Variants in ANKHD1 observed in about 807,000 individuals in gnomAD.
ANKHD1 encodes ankyrin repeat and KH domain containing 1, also known as ankyrin repeat and KH domain-containing protein 1.
ANKHD1 carries 31 observed loss-of-function variants against 230.5 expected under a neutral mutation model. The observed-to-expected ratio is 0.13, with a 90% CI of 0.10 to 0.18. ANKHD1 has a LOEUF of 0.18. Ranked by LOEUF, ANKHD1 falls within the 10% of genes least tolerant of loss-of-function variation. ANKHD1 has a pLI of 1.00. For missense variants in ANKHD1, 2,256 were observed against 3,071.3 expected (o/e 0.73, Z 6.27); for synonymous variants, 1,074 against 1,117.6 (o/e 0.96, Z 0.78).
rs1416843977 is a variant in ANKHD1, at chr5:140,479,742, A to AAG, written c.1783-2838_1783-2837insAG. Among the ~76,000 whole-genome samples, 6 of 149,364 alleles carry AAG rather than the reference A, an allele frequency of 4.0e-5. No individual in the cohort carries two copies. The East Asian group carries it at 1.2e-3, about 29-fold the overall frequency. ...TATATACATACATAGGTATATATATATACTTATATATATACCTATGTATGT... is the reference window on the plus strand; with the variant it reads ...TATATACATACATAGGTATATATATAAGTACTTATATATATACCTATGTATGT... On this transcript the variant is annotated intron_variant, in intron 10 of 33. Coordinates refer to ENST00000360839, the MANE Select transcript of ANKHD1 (RefSeq NM_017747.3).
intron 9 of ANKHD1, 105 bp downstream of exon 9, chr5:140,459,460 G>C (rs981028389): frequency 1.5e-5 from 20 of 1,346,666 alleles, no homozygotes; most frequent in Non-Finnish European, 1.8e-5. Context: ...TAGAATGGTG[G>C]TTACCAGAGT....
chr5:140,527,873 G>A lies in ANKHD1; in HGVS notation c.5088G>A (p.Arg1696=). 6.2e-7 allele frequency: 1 copy of A among 1,610,942 alleles called. No homozygotes were observed. Among genetic ancestry groups the A allele is most frequent in the Non-Finnish European group, 8.5e-7 (1 of 1,178,692 alleles). Residue 1696 remains arginine, a splice_region_variant and synonymous_variant, in exon 28 of 34, where the codon AGG becomes AGA. Coordinates refer to ENST00000360839, the MANE Select transcript of ANKHD1 (RefSeq NM_017747.3). This position sits in a 1 kb window ranked among gnomAD's most constrained non-coding sequence, Gnocchi z 4.5. ...REEGWKEVVR[R]SKKLSVPASV... ...CTCATGTGTATTCTTCATTTTATAG[G>A]TCAAAGAAATTGTCTGTTCCAGCCT...
chr5:140,490,441 AT>A (rs1011163989), intron 14 of ANKHD1, among the ~76,000 whole-genome samples: 22 of 152,110 alleles, frequency 1.4e-4, no homozygotes, highest in African/African-American at 5.3e-4. Context: ...TAACCTCCCG[AT>A]TTAGGCAACT....
At chr5:140,518,545 TACTGGCAA>T (rs1753158566) in intron 24 of ANKHD1, among the ~76,000 whole-genome samples, 1 of 151,204 alleles carries the variant, frequency 6.6e-6, no homozygotes, top group Non-Finnish European at 1.5e-5. Context: ...CTCAATAAAA[TACTGGCAA>T]ACCGAATCCA....
chr5:140,486,773 C>T (rs1428641486), intron 13 of ANKHD1, 185 bp from the exon 14 acceptor site: 5 of 450,094 alleles, frequency 1.1e-5, no homozygotes, highest in East Asian at 3.8e-5. Flanking sequence ...GTAGATTCCC[C>T]GACTGTCTAA....
intron 15 of ANKHD1, among the ~76,000 whole-genome samples, chr5:140,498,525 A>G (rs1269143131): frequency 6.6e-6 from 1 of 152,224 alleles, no homozygotes; most frequent in Non-Finnish European, 1.5e-5. Context: ...ATTCTGGGAA[A>G]TGTTTTAAGG....
intron 10 of ANKHD1, among the ~76,000 whole-genome samples, chr5:140,478,370 T>C (rs1445912747): frequency 2.0e-5 from 3 of 150,746 alleles, no homozygotes; most frequent in African/African-American, 4.8e-5. Context: ...TTTCTTTTTT[T>C]TTTTTTTTAG....
Position 140,512,405 on chromosome 5 carries a change from T to TA in ANKHD1, c.4105-414dup, listed in dbSNP as rs201618595. On this transcript the variant is annotated intron_variant, in intron 22 of 33. Transcript: ENST00000360839. ...AGAGGCAAAGTAAGACTTTGAAATT[T>TA]AAAAAAAAATTACTTATTTTAGGAC... Among the ~76,000 whole-genome samples the TA allele has an allele frequency of 1.3e-3, 190 of 151,816 alleles. 3 individuals carry two copies. The East Asian group carries it at 0.032, about 26-fold the overall frequency.
intron 14 of ANKHD1, among the ~76,000 whole-genome samples, chr5:140,496,137 G>C (rs535846058): frequency 6.6e-6 from 1 of 152,196 alleles, no homozygotes; most frequent in African/African-American, 2.4e-5. Flanking sequence ...ACGCTATTTT[G>C]ATACTGCTTT....
Position 140,526,400 on chromosome 5 carries a change from C to G in ANKHD1, c.4897C>G (p.Gln1633Glu), listed in dbSNP as rs1561831978. Reference protein sequence around the residue: ...SKYPSLLLHSQEEKTSTATSK... With the variant: ...SKYPSLLLHSEEEKTSTATSK... ...ATACCCCTCACTGCTCCTTCATTCC[C>G]AAGAAGAAAAGACAAGTACTGCTAC... Residue 1633 changes from glutamine to glutamate, a missense_variant, in exon 26 of 34, where the codon CAA becomes GAA. Physicochemically the swap from Gln to Glu is conservative, Grantham distance 29. Around this residue, in one of 13 missense-constraint regions of ANKHD1, gnomAD observed 212 missense variants for 257.3 expected, o/e 0.82. Transcript: ENST00000360839. The G allele has an allele frequency of 3.1e-6, 5 of 1,613,364 alleles. No individual in the cohort carries two copies. The highest frequency in any genetic ancestry group is 3.4e-6 in the Non-Finnish European group (4 of 1,179,800).
At chr5:140,410,697 A>G (rs1018515013) in intron 1 of ANKHD1, among the ~76,000 whole-genome samples, 1 of 152,190 alleles carries the variant, frequency 6.6e-6, no homozygotes, top group South Asian at 2.1e-4. Flanking sequence ...TTGCTTGTCT[A>G]TAGAGTCATA....
chr5:140,449,528 G>C (rs1398275584), intron 7 of ANKHD1, among the ~76,000 whole-genome samples: 2 of 152,046 alleles, frequency 1.3e-5, no homozygotes, highest in African/African-American at 2.4e-5. Context: ...CTGGGTATGG[G>C]GCGGGTGCCT....
chr5:140,417,833 C>CTTTTTTT (rs35322010), intron 1 of ANKHD1, among the ~76,000 whole-genome samples: 2 of 106,782 alleles, frequency 1.9e-5, no homozygotes, highest in Non-Finnish European at 3.6e-5. Flanking sequence ...CCCATATAGT[C>CTTTTTTT]TTTTTTTTTT....
chr5:140,422,428 A>G (rs966275713), intron 1 of ANKHD1, among the ~76,000 whole-genome samples: 12 of 152,046 alleles, frequency 7.9e-5, no homozygotes, highest in Non-Finnish European at 1.5e-4. Flanking sequence ...CCTGGCCTAG[A>G]GTGGATTTAT....
intron 29 of ANKHD1, among the ~76,000 whole-genome samples, chr5:140,531,714 A>G (rs1753830579): frequency 6.6e-6 from 1 of 152,204 alleles, no homozygotes; most frequent in African/African-American, 2.4e-5. Context: ...TCAGAAAGTT[A>G]GACGTTAAGA....
intron 7 of ANKHD1, among the ~76,000 whole-genome samples, chr5:140,452,110 G>A (rs968656573): frequency 6.6e-6 from 1 of 152,122 alleles, no homozygotes; most frequent in South Asian, 2.1e-4. Flanking sequence ...CACCCACGGA[G>A]CCTCCCTCAT....
rs775470249 is a variant in ANKHD1, at chr5:140,539,433, A to C, written c.*15A>C. On this transcript the variant is annotated 3_prime_UTR_variant, in exon 34 of 34. Transcript: ENST00000360839. Reference sequence around the variant, plus strand: ...ATGTCAACTAAGTTAGAAGGTCTTTACTCTTTAGCCTTGTTTAAGAAACCT... The same window carrying C: ...ATGTCAACTAAGTTAGAAGGTCTTTCCTCTTTAGCCTTGTTTAAGAAACCT... The C allele has an allele frequency of 1.2e-5, 19 of 1,612,084 alleles. No individual in the cohort carries two copies. The highest frequency in any genetic ancestry group is 1.6e-5 in the Non-Finnish European group (19 of 1,179,096).
chr5:140,441,782 C>A (rs1312635764), intron 5 of ANKHD1, among the ~76,000 whole-genome samples: 1 of 151,750 alleles, frequency 6.6e-6, no homozygotes, highest in African/African-American at 2.4e-5. Context: ...CCACAGGGGG[C>A]AAAATTGGGT....
In ANKHD1 at chr5:140,537,406, A is replaced by G. The variant is rs970919071; in HGVS notation, c.7045A>G (p.Thr2349Ala). 1.2e-6 allele frequency: 2 copies of G among 1,614,060 alleles called. No homozygotes were observed. Among genetic ancestry groups the G allele is most frequent in the Non-Finnish European group, 1.7e-6 (2 of 1,179,994 alleles). ...ASNSSTSAPP[T>A]LGQPKGVSAS... is the part of the protein sequence containing the mutation. ...TCTTTCAGCCACTTCTGCCCCACCA[A>G]CGTTGGGCCAACCAAAAGGAGTCAG... The change falls in exon 31 of 34, where the codon ACG becomes GCG. Residue 2349 changes from threonine to alanine, a missense_variant. Thr to Ala is a moderately conservative substitution (Grantham distance 58, BLOSUM62 0). Transcript: ENST00000360839.
Sources: gnomAD v4.1 joint callset for allele counts (sites outside exome capture counted in the v4.1 genomes callset) on GRCh38, gnomAD v4.1.1 for gene constraint, gnomAD v4.1.1 regional missense constraint, Gnocchi (gnomAD v3.1) non-coding constraint, MANE v1.5 for transcripts, NCBI Gene and HGNC (gene_info 2026-07-23, HGNC 2026-07-21) for gene names.